The following VPS53 variants were observed in gnomAD, a reference collection of about 807,000 sequenced individuals.
VPS53 encodes the protein vacuolar protein sorting-associated protein 53 homolog.
Under a neutral mutation model 107.0 loss-of-function variants are expected in VPS53, and 70 were observed. The observed-to-expected ratio is 0.65, with a 90% confidence interval of 0.54 to 0.80. The LOEUF is 0.80. Ranked by LOEUF, VPS53 falls within the 30% of genes least tolerant of loss-of-function variation. VPS53 has a pLI of 0.00. For synonymous variants in VPS53, 409 were observed against 393.3 expected, an observed-to-expected ratio of 1.04 and a Z score of -0.47; for missense variants, 917 against 1,049.4, an observed-to-expected ratio of 0.87 and a Z score of 1.74.
chr17:519,283 C>A lies in VPS53; in HGVS notation c.2344G>T (p.Glu782Ter). ...AGGAGTTCCAGCATGCTGCTCTGCT[C>A]ACTCCTCTTCAGCCCCTGAGGTTGA... is the stretch of plus-strand genomic sequence containing the variant. Reference protein sequence around the residue: ...ILDMKGLKRSEQSSMLELLRQ... With the variant: ...ILDMKGLKRS Residue 782 changes from glutamate (E) to a stop codon, truncating the protein, a stop_gained, in exon 22 of 22, where the codon GAG becomes TAG. Coordinates refer to ENST00000437048, the MANE Select transcript of VPS53 (RefSeq NM_001128159.3). LOFTEE classifies it high-confidence loss of function. The surrounding 1 kb of genome is among the most constrained non-coding windows in gnomAD (Gnocchi z 5.0). The A allele has an allele frequency of 6.7e-7, 1 of 1,500,496 alleles. No individual in the cohort carries two copies. Among genetic ancestry groups the A allele is most frequent in the Non-Finnish European group, 8.9e-7 (1 of 1,125,282 alleles). The allele number at this position is 1,500,496 out of a possible 1,614,324, so 92.9% of individuals were successfully genotyped here. A position where few individuals can be genotyped will look rare whatever the true frequency, so the allele number is the denominator to read the frequency against.
At chr17:670,599 A>G (rs948414886) in intron 4 of VPS53, among the ~76,000 whole-genome samples, 6 of 152,146 alleles carry the variant, frequency 3.9e-5, no homozygotes, top group Admixed American at 3.9e-4. Flanking sequence ...GCTCTGATTC[A>G]TTGGCAGTGC....
chr17:684,168 C>G (rs1282475033), intron 4 of VPS53, among the ~76,000 whole-genome samples: 1 of 152,130 alleles, frequency 6.6e-6, no homozygotes, highest in Non-Finnish European at 1.5e-5. Context: ...GATTTAAATC[C>G]AACTATATCA....
chr17:605,320 A>T (rs1968514635), intron 11 of VPS53, among the ~76,000 whole-genome samples: 1 of 152,190 alleles, frequency 6.6e-6, no homozygotes, highest in South Asian at 2.1e-4. Context: ...ACACAGGGTC[A>T]TCAGAAAAGG....
chr17:601,931 T>G (rs754876224), intron 11 of VPS53, 35 bp from the exon 12 acceptor site: 3 of 1,455,840 alleles, frequency 2.1e-6, no homozygotes, highest in Non-Finnish European at 2.8e-6. Context: ...AAGTGTTTTC[T>G]GAGCATATTC....
chr17:687,185 T>G (rs1195499791), intron 4 of VPS53, among the ~76,000 whole-genome samples: 1 of 151,916 alleles, frequency 6.6e-6, no homozygotes, highest in African/African-American at 2.4e-5. Context: ...CTTGGGAGGC[T>G]GAGGCAGGGA....
At chr17:697,683 G>A (rs1439952769) in intron 3 of VPS53, among the ~76,000 whole-genome samples, 199 bp from the exon 4 acceptor site, 1 of 151,808 alleles carries the variant, frequency 6.6e-6, no homozygotes, top group Non-Finnish European at 1.5e-5. Context: ...AGTGCAGGCT[G>A]ATGCATCGCC....
At chr17:634,029 G>A (rs1309129634) in intron 7 of VPS53, among the ~76,000 whole-genome samples, 1 of 152,194 alleles carries the variant, frequency 6.6e-6, no homozygotes, top group Admixed American at 6.5e-5. Context: ...AGAGGAAGGA[G>A]TTCTCCTCAC....
Position 628,108 on chromosome 17 carries a change from G to A in VPS53, c.811C>T (p.Leu271Phe). 1 of 1,612,360 alleles carries A rather than the reference G, an allele frequency of 6.2e-7. No homozygotes were observed. The highest frequency in any genetic ancestry group is 2.2e-5 in the East Asian group (1 of 44,850). Residue 271 changes from leucine to phenylalanine, a missense_variant, in exon 9 of 22, where the codon CTT (leucine) becomes TTT (phenylalanine). Coordinates refer to ENST00000437048, the MANE Select transcript of VPS53 (RefSeq NM_001128159.3). ...CTCACATCTTGGTTTTCTTGAAAAA[G>A]TACCAGATACTCTGACAGATGCTGT... ...IKQHLSEYLV[L>F]FQENQDVAWL...
chr17:690,268 A>G (rs543533030), intron 4 of VPS53, among the ~76,000 whole-genome samples: 1 of 152,336 alleles, frequency 6.6e-6, no homozygotes, highest in South Asian at 2.1e-4. Flanking sequence ...TGACAATTTC[A>G]AAGACTCTCT....
intron 12 of VPS53, among the ~76,000 whole-genome samples, chr17:595,596 T>C (rs1372262532): frequency 8.4e-4 from 25 of 29,854 alleles, no homozygotes; most frequent in Non-Finnish European, 1.4e-3. Context: ...GGTTTGATGA[T>C]GCACTCTAGT....
At chr17:599,117 G>A (rs1197129838) in intron 12 of VPS53, among the ~76,000 whole-genome samples, 7 of 145,346 alleles carry the variant, frequency 4.8e-5, no homozygotes, top group East Asian at 2.1e-4. Context: ...CGCCCCGTCC[G>A]GGAGGGAGGT....
chr17:637,406 G>T (rs1055852822), intron 7 of VPS53, among the ~76,000 whole-genome samples: 1 of 152,058 alleles, frequency 6.6e-6, no homozygotes, highest in African/African-American at 2.4e-5. Flanking sequence ...GGTTTTTTGT[G>T]TCTCTATCTC....
At chr17:614,952 AAAAAC>A (rs1156674147) in intron 11 of VPS53, among the ~76,000 whole-genome samples, 9 of 152,198 alleles carry the variant, frequency 5.9e-5, no homozygotes, top group Non-Finnish European at 1.3e-4. Context: ...AAAAAAAACA[AAAAAC>A]AAAACAAAAA....
rs10666256 is a variant in VPS53, at chr17:661,520, CA to C, written c.372+288del. ...CTGGCGACAGAGCAAGACTCCATCT[CA>C]AAAAAAAAAAAAAAAATACCCAAAA... On this transcript the variant is annotated intron_variant, in intron 5 of 21. Transcript: ENST00000437048. 5.4e-3 allele frequency among the ~76,000 whole-genome samples: 586 copies of C among 109,186 alleles called. 2 individuals carry two copies. The highest frequency in any genetic ancestry group is 0.015 in the African/African-American group (405 of 26,476). 71.6% of individuals were successfully genotyped at this position (109,186 alleles called of 152,430 possible). A position where few individuals can be genotyped will look rare whatever the true frequency, so the allele number is the denominator to read the frequency against.
At chr17:632,917 CAA>C (rs1008726806) in intron 7 of VPS53, 22 of 375,604 alleles carry the variant, frequency 5.9e-5, no homozygotes, top group African/African-American at 4.7e-4. Flanking sequence ...AAGGTAAAAA[CAA>C]AAAGAGCCAA....
chr17:653,986 G>A (rs1971071663), intron 6 of VPS53, among the ~76,000 whole-genome samples: 1 of 152,200 alleles, frequency 6.6e-6, no homozygotes, highest in Non-Finnish European at 1.5e-5. Context: ...ACGAAGTCAC[G>A]AGATCGAGAT....
intron 4 of VPS53, among the ~76,000 whole-genome samples, chr17:670,861 T>G (rs1423658749): frequency 1.3e-5 from 2 of 152,206 alleles, no homozygotes; most frequent in African/African-American, 4.8e-5. Context: ...AAATTAGATT[T>G]TTCCACTATT....
chr17:538,961 G>A (rs975447774), intron 17 of VPS53: 2 of 152,102 alleles, frequency 1.3e-5, no homozygotes, highest in African/African-American at 4.8e-5. Context: ...GAGCATCCTG[G>A]GTGATTTTAA....
intron 11 of VPS53, among the ~76,000 whole-genome samples, chr17:622,910 G>A (rs765719858): frequency 6.6e-6 from 1 of 151,144 alleles, no homozygotes; most frequent in Non-Finnish European, 1.5e-5. Context: ...GGCTGGTCTC[G>A]AACTCCTGGT....
Sources: gnomAD v4.1 joint callset for allele counts (sites outside exome capture counted in the v4.1 genomes callset) on GRCh38, gnomAD v4.1.1 for gene constraint, Gnocchi (gnomAD v3.1) non-coding constraint, MANE v1.5 for transcripts, NCBI Gene and HGNC (gene_info 2026-07-23, HGNC 2026-07-21) for gene names.